Variants in PAH observed in about 807,000 individuals in gnomAD.
PAH encodes the protein phenylalanine-4-hydroxylase.
Under a neutral mutation model 62.0 loss-of-function variants are expected in PAH, and 64 were observed. The observed-to-expected ratio is 1.03, with a 90% confidence interval of 0.84 to 1.27. The LOEUF (loss-of-function observed/expected upper bound fraction) is 1.27, where lower values mean the gene tolerates loss of function less well. Ranked by LOEUF, PAH falls within the 50% of genes most tolerant of loss-of-function variation. The probability of loss-of-function intolerance (pLI) is 0.00; values close to 1 mark genes in which losing one functional copy is unlikely to be tolerated. For missense variants in PAH, 579 were observed against 542.8 expected, an observed-to-expected ratio of 1.07 and a Z score of -0.66; for synonymous variants, 195 against 196.2, an observed-to-expected ratio of 0.99 and a Z score of 0.05.
chr12:102,955,858 G>A (rs530958594), intron 1 of PAH, among the ~76,000 whole-genome samples: 1 of 152,292 alleles, frequency 6.6e-6, no homozygotes, highest in Non-Finnish European at 1.5e-5. Context: ...TGGGGAGAAG[G>A]GGCTGTGTGG....
At chr12:102,886,865 C>G (rs1203105268) in intron 3 of PAH, among the ~76,000 whole-genome samples, 1 of 151,874 alleles carries the variant, frequency 6.6e-6, no homozygotes, top group African/African-American at 2.4e-5. Context: ...TGGCTGACAC[C>G]GAGTGGGCAC....
intron 3 of PAH, among the ~76,000 whole-genome samples, chr12:102,883,881 C>G (rs1876923368): frequency 6.6e-6 from 1 of 152,196 alleles, no homozygotes; most frequent in African/African-American, 2.4e-5. Flanking sequence ...GCCCTCTGTT[C>G]CCTAGTTTCC....
chr12:102,882,495 A>C (rs1463823), intron 3 of PAH, among the ~76,000 whole-genome samples: 1 of 152,046 alleles, frequency 6.6e-6, no homozygotes. Context: ...TAAATGAGTT[A>C]ATATGCGTGA....
At chr12:102,958,245 A>T (rs761296721) in exon 1 of PAH, 6 of 1,469,174 alleles carry the variant, frequency 4.1e-6, no homozygotes, top group Non-Finnish European at 5.4e-6. Context: ...GCCGCTGCGC[A>T]TGGAAAGCTC....
At chr12:102,881,428 C>T (rs1483925669) in intron 3 of PAH, among the ~76,000 whole-genome samples, 1 of 151,894 alleles carries the variant, frequency 6.6e-6, no homozygotes, top group Non-Finnish European at 1.5e-5. Context: ...TGAACATATT[C>T]ATCATCTCAT....
intron 3 of PAH, among the ~76,000 whole-genome samples, chr12:102,893,828 A>G (rs986168939): frequency 1.3e-5 from 2 of 152,108 alleles, no homozygotes; most frequent in African/African-American, 4.8e-5. Flanking sequence ...AGTTTTGACA[A>G]CTCCTATATT....
intron 2 of PAH, among the ~76,000 whole-genome samples, chr12:102,911,629 C>T (rs1878204226): frequency 6.6e-6 from 1 of 152,208 alleles, no homozygotes; most frequent in Non-Finnish European, 1.5e-5. Context: ...CCCTCCCCAG[C>T]TGCTCAGAAT....
intron 3 of PAH, among the ~76,000 whole-genome samples, chr12:102,891,570 C>G (rs112608312): frequency 0.011 from 1,693 of 152,302 alleles, 48 homozygotes; most frequent in African/African-American, 0.039. Context: ...TAAACATGCT[C>G]TGCTCTGTTC....
At position 102,882,642 on chromosome 12, in the gene PAH, C is replaced by CTATA. The variant is rs869088873; in HGVS notation, c.353-5096_353-5093dup. Among the ~76,000 whole-genome samples the CTATA allele has an allele frequency of 8.8e-3, 758 of 85,750 alleles. 5 individuals are homozygous for CTATA. Among genetic ancestry groups the CTATA allele is most frequent in the East Asian group, 0.032 (85 of 2,674 alleles). 56.3% of individuals were successfully genotyped at this position (85,750 alleles called of 152,430 possible). On this transcript the variant is annotated intron_variant, in intron 3 of 12. Coordinates refer to ENST00000553106, the MANE Select transcript of PAH (RefSeq NM_000277.3). ...CTGTATATATATGCATATATATACA[C>CTATA]TATATATATATATATATATATATAT...
upstream of PAH, chr12:102,917,609 G>C (rs1247238165): frequency 4.8e-6 from 1 of 209,612 alleles, no homozygotes; most frequent in African/African-American, 2.9e-5. Context: ...AGCTGAAACA[G>C]TCAGGATTCT....
At chr12:102,947,264 GTAT>G in intron 1 of PAH, among the ~76,000 whole-genome samples, 3 of 152,162 alleles carry the variant, frequency 2.0e-5, no homozygotes, top group Middle Eastern at 6.8e-3. Flanking sequence ...AGTGGTGAGA[GTAT>G]GGCATGACCC....
Position 102,944,292 on chromosome 12 carries a change from A to G in PAH, c.-96+6297T>C, listed in dbSNP as rs573089414. Among the ~76,000 whole-genome samples the G allele has an allele frequency of 4.6e-5, 7 of 152,294 alleles. No individual in the cohort carries two copies. The South Asian group carries it at 1.5e-3, about 32-fold the overall frequency. ...TTCTATAATCTTCTTGTACTTGAAC[A>G]TTGATATTGTTCTTTAGGTTCAGCA... On this transcript the variant is annotated intron_variant, in intron 1 of 3. Coordinates refer to the PAH transcript ENST00000546844.
chr12:102,921,757 TA>T (rs1174925191), upstream of PAH, among the ~76,000 whole-genome samples: 3 of 152,186 alleles, frequency 2.0e-5, no homozygotes, highest in African/African-American at 7.2e-5. Flanking sequence ...CCACTTAACT[TA>T]AAGAGGCCAA....
At chr12:102,944,463 T>C (rs1879414624) in intron 1 of PAH, among the ~76,000 whole-genome samples, 1 of 152,216 alleles carries the variant, frequency 6.6e-6, no homozygotes, top group African/African-American at 2.4e-5. Context: ...CTCTTCTGTC[T>C]CCTTTGTGTA....
At chr12:102,930,243 T>C (rs1186407702) in intron 1 of PAH, among the ~76,000 whole-genome samples, 1 of 152,178 alleles carries the variant, frequency 6.6e-6, no homozygotes, top group African/African-American at 2.4e-5. Context: ...TACCACCTAC[T>C]CAGAGACAGC....
chr12:102,917,305 C>A, upstream of PAH: 1 of 668,798 alleles, frequency 1.5e-6, no homozygotes, highest in African/African-American at 1.8e-5. Flanking sequence ...TGGGCGTTGT[C>A]CTGACGCAGG....
At chr12:102,909,432 A>G (rs946916864) in intron 2 of PAH, among the ~76,000 whole-genome samples, 3 of 152,012 alleles carry the variant, frequency 2.0e-5, no homozygotes, top group Admixed American at 6.6e-5. Context: ...TTGTTTTAAT[A>G]TTCAGTTTCT....
intron 1 of PAH, among the ~76,000 whole-genome samples, chr12:102,922,472 G>A (rs914934346): frequency 5.9e-5 from 9 of 152,278 alleles, no homozygotes; most frequent in East Asian, 1.9e-4. Context: ...GATTACAGGC[G>A]TGAGTCACCA....
chr12:102,880,997 A>T (rs187667427), intron 3 of PAH, among the ~76,000 whole-genome samples: 2 of 149,856 alleles, frequency 1.3e-5, no homozygotes, highest in East Asian at 3.9e-4. Flanking sequence ...TATATTGCAT[A>T]TATTTTATTA....
Sources: gnomAD v4.1 joint callset for allele counts (sites outside exome capture counted in the v4.1 genomes callset) on GRCh38, gnomAD v4.1.1 for gene constraint, MANE v1.5 for transcripts, NCBI Gene and HGNC (gene_info 2026-07-23, HGNC 2026-07-21) for gene names.